The following HEMK2 variants were observed in gnomAD, a reference collection of about 807,000 sequenced individuals.
HEMK2 encodes HemK methyltransferase 2, ETF1 glutamine and histone H4 lysine.
the HEMK2 span, among the ~76,000 whole-genome samples, chr21:28,614,893 A>G: frequency 6.6e-6 from 1 of 152,138 alleles, no homozygotes; most frequent in Non-Finnish European, 1.5e-5. Context: ...GATATTTTTC[A>G]ATCTTGTAAG....
the HEMK2 span, among the ~76,000 whole-genome samples, chr21:28,606,151 TAG>T: frequency 6.6e-6 from 1 of 152,188 alleles, no homozygotes; most frequent in Middle Eastern, 3.4e-3. Flanking sequence ...TGTAACAGTA[TAG>T]AGAGATAGTA....
At chr21:28,699,768 A>C in the HEMK2 span, among the ~76,000 whole-genome samples, 1 of 152,198 alleles carries the variant, frequency 6.6e-6, no homozygotes, top group Non-Finnish European at 1.5e-5. Flanking sequence ...CCTCTTTTCA[A>C]CTTTGAGTTT....
At chr21:28,777,413 C>G in the HEMK2 span, among the ~76,000 whole-genome samples, 2 of 152,184 alleles carry the variant, frequency 1.3e-5, no homozygotes, top group African/African-American at 2.4e-5. Flanking sequence ...CCAAAATTGA[C>G]TTCTCCTCAG....
the HEMK2 span, among the ~76,000 whole-genome samples, chr21:28,621,710 T>A: frequency 6.6e-6 from 1 of 152,174 alleles, no homozygotes; most frequent in Admixed American, 6.5e-5. Context: ...AAGAACCTTC[T>A]TAAGGGTGGG....
the HEMK2 span, among the ~76,000 whole-genome samples, chr21:28,699,299 T>C: frequency 6.6e-6 from 1 of 152,234 alleles, no homozygotes; most frequent in South Asian, 2.1e-4. Flanking sequence ...TGCTGAGAAT[T>C]CCAAGAGCAA....
At chr21:28,618,411 A>G in the HEMK2 span, among the ~76,000 whole-genome samples, 1 of 152,206 alleles carries the variant, frequency 6.6e-6, no homozygotes, top group Non-Finnish European at 1.5e-5. Context: ...TTAATGGCTC[A>G]TATGTTGACA....
At chr21:28,838,173 C>T in the HEMK2 span, among the ~76,000 whole-genome samples, 1 of 152,112 alleles carries the variant, frequency 6.6e-6, no homozygotes, top group Admixed American at 6.6e-5. Flanking sequence ...AAGAAGGAAC[C>T]ATCCCTAATT....
the HEMK2 span, among the ~76,000 whole-genome samples, chr21:28,693,300 G>T: frequency 6.6e-6 from 1 of 152,294 alleles, no homozygotes; most frequent in Admixed American, 6.5e-5. Flanking sequence ...GGTGGCATTT[G>T]TGAGGGGTTT....
At chr21:28,783,336 C>G in the HEMK2 span, among the ~76,000 whole-genome samples, 8 of 152,186 alleles carry the variant, frequency 5.3e-5, no homozygotes, top group South Asian at 2.1e-4. Context: ...AGGCACCCAC[C>G]ACCACACCTG....
chr21:28,817,045 A>G, the HEMK2 span, among the ~76,000 whole-genome samples: 2 of 152,226 alleles, frequency 1.3e-5, no homozygotes, highest in African/African-American at 4.8e-5. Context: ...ATCCAGTGAA[A>G]AAGAAAATGC....
the HEMK2 span, among the ~76,000 whole-genome samples, chr21:28,718,689 G>C: frequency 3.3e-5 from 5 of 150,910 alleles, no homozygotes; most frequent in African/African-American, 1.2e-4. Flanking sequence ...TTATATAATA[G>C]AATCACTACA....
chr21:28,836,477 TA>T, the HEMK2 span, among the ~76,000 whole-genome samples: 1 of 151,792 alleles, frequency 6.6e-6, no homozygotes, highest in Non-Finnish European at 1.5e-5. Flanking sequence ...CAAGAACTGC[TA>T]AAAGGAGCTC....
At chr21:28,817,787 A>G in the HEMK2 span, among the ~76,000 whole-genome samples, 1 of 152,182 alleles carries the variant, frequency 6.6e-6, no homozygotes, top group Non-Finnish European at 1.5e-5. Context: ...GAGACAGTGC[A>G]GTAATCAAAA....
the HEMK2 span, among the ~76,000 whole-genome samples, chr21:28,807,962 A>T: frequency 6.6e-6 from 1 of 152,176 alleles, no homozygotes; most frequent in Admixed American, 6.5e-5. Context: ...AATTTCCATC[A>T]GCTGGGTCTT....
At chr21:28,845,425 A>G in the HEMK2 span, among the ~76,000 whole-genome samples, 1 of 152,072 alleles carries the variant, frequency 6.6e-6, no homozygotes, top group Admixed American at 6.6e-5. Flanking sequence ...TTTATTCTTC[A>G]GTATAAACTT....
At chr21:28,781,788 G>A in the HEMK2 span, among the ~76,000 whole-genome samples, 2 of 152,176 alleles carry the variant, frequency 1.3e-5, no homozygotes, top group African/African-American at 4.8e-5. Context: ...CTGATCTTCA[G>A]TCTCCAGTCC....
the HEMK2 span, among the ~76,000 whole-genome samples, chr21:28,597,911 GGAAGAAAC>G: frequency 6.6e-6 from 1 of 152,068 alleles, no homozygotes; most frequent in Non-Finnish European, 1.5e-5. Context: ...TGTTAAGGAT[GGAAGAAAC>G]TTGAACAGAA....
chr21:28,624,553 C>G, the HEMK2 span, among the ~76,000 whole-genome samples: 1 of 152,068 alleles, frequency 6.6e-6, no homozygotes, highest in Non-Finnish European at 1.5e-5. Flanking sequence ...ATGATGACAC[C>G]CACAGTCATG....
the HEMK2 span, among the ~76,000 whole-genome samples, chr21:28,582,904 T>C: frequency 6.6e-6 from 1 of 152,204 alleles, no homozygotes; most frequent in Admixed American, 6.5e-5. Flanking sequence ...AAACCTTTTA[T>C]ACTAGTTGAT....
Sources: gnomAD v4.1 joint callset for allele counts (sites outside exome capture counted in the v4.1 genomes callset) on GRCh38, gnomAD v4.1.1 for gene constraint, MANE v1.5 for transcripts, NCBI Gene and HGNC (gene_info 2026-07-23, HGNC 2026-07-21) for gene names.